CPHXL: variants seen among roughly 807,000 people sequenced by gnomAD.
CPHXL encodes cytoplasmic polyadenylated homeobox-like protein.
intron 2 of CPHXL, among the ~76,000 whole-genome samples, chr16:75,716,466 T>C (rs1810140647): frequency 6.6e-6 from 1 of 152,134 alleles, no homozygotes; most frequent in African/African-American, 2.4e-5. Context: ...AACACTTAGG[T>C]TTACCAGTTG....
intron 1 of CPHXL, among the ~76,000 whole-genome samples, chr16:75,718,683 A>G (rs749664202): frequency 2.6e-5 from 4 of 152,198 alleles, no homozygotes; most frequent in Non-Finnish European, 5.9e-5. Flanking sequence ...GTTTTTGTAA[A>G]TAGAGTTTTA....
intron 1 of CPHXL, among the ~76,000 whole-genome samples, chr16:75,720,173 G>A (rs368596131): frequency 3.9e-5 from 6 of 152,270 alleles, no homozygotes; most frequent in African/African-American, 1.2e-4. Flanking sequence ...CAGAAAAACC[G>A]GAAACTCTAA....
intron 1 of CPHXL, among the ~76,000 whole-genome samples, chr16:75,722,062 C>G (rs559019250): frequency 7.9e-5 from 12 of 152,264 alleles, no homozygotes; most frequent in African/African-American, 2.9e-4. Flanking sequence ...CCAATGAGAA[C>G]AAAGACCCAA....
At chr16:75,725,301 T>G (rs1372044340) in intron 1 of CPHXL, among the ~76,000 whole-genome samples, 1 of 151,994 alleles carries the variant, frequency 6.6e-6, no homozygotes, top group Admixed American at 6.5e-5. Flanking sequence ...CTTTTTTTCT[T>G]TATTTTTGAG....
intron 1 of CPHXL, among the ~76,000 whole-genome samples, chr16:75,720,995 C>A (rs536227294): frequency 1.7e-3 from 263 of 152,228 alleles, no homozygotes; most frequent in Non-Finnish European, 3.3e-3. Flanking sequence ...TCATATCCAG[C>A]CAAACTAAGC....
chr16:75,719,076 A>C (rs1419382012), intron 1 of CPHXL, among the ~76,000 whole-genome samples: 1 of 151,924 alleles, frequency 6.6e-6, no homozygotes, highest in Non-Finnish European at 1.5e-5. Flanking sequence ...ATGTATAAAT[A>C]TTTGCTATTT....
intron 2 of CPHXL, among the ~76,000 whole-genome samples, chr16:75,715,921 C>T (rs1400990518): frequency 6.6e-6 from 1 of 152,110 alleles, no homozygotes; most frequent in East Asian, 1.9e-4. Context: ...TGGTCTCGAA[C>T]TCCTGACCTC....
At chr16:75,723,556 A>T (rs1959508745) in intron 1 of CPHXL, among the ~76,000 whole-genome samples, 1 of 152,162 alleles carries the variant, frequency 6.6e-6, no homozygotes, top group Non-Finnish European at 1.5e-5. Flanking sequence ...GATGTGAAGG[A>T]CCTCTTCAAG....
intron 1 of CPHXL, among the ~76,000 whole-genome samples, chr16:75,718,914 C>A (rs1452445333): frequency 6.6e-6 from 1 of 152,066 alleles, no homozygotes; most frequent in African/African-American, 2.4e-5. Flanking sequence ...CTGATCTATA[C>A]TGATTGGAAG....
In CPHXL at chr16:75,718,293, T is replaced by A; in HGVS notation, c.191A>T (p.Lys64Ile). ...TATCACATTTACCGGACAATCAAAT[T>A]TGATGGCCAGTGTTTTCCTAGTTGT... Reference protein sequence around the residue: ...DYTTRKTLAIKFDCPVNVIDN... With the variant: ...DYTTRKTLAIIFDCPVNVIDN... The change falls in exon 2 of 3, where the codon AAA (lysine) becomes ATA (isoleucine). Residue 64 changes from lysine (K) to isoleucine (I), a missense_variant. Transcript: ENST00000640559. 1 of 398,844 alleles carries A rather than the reference T, an allele frequency of 2.5e-6. No individual in the cohort carries two copies. The highest frequency in any genetic ancestry group is 3.6e-5 in the East Asian group (1 of 28,070). The allele number at this position is 398,844 out of a possible 1,614,324, so 24.7% of individuals were successfully genotyped here.
In CPHXL at chr16:75,724,527, C is replaced by A. The variant is rs1226593643; in HGVS notation, c.25+1891G>T. Among the ~76,000 whole-genome samples the A allele has an allele frequency of 3.3e-5, 5 of 152,312 alleles. No homozygotes were observed. In the East Asian group the frequency reaches 7.7e-4, roughly 24 times the overall value. On this transcript the variant is annotated intron_variant, in intron 1 of 2. Transcript: ENST00000640559. ...CAGCCAAAAGACAAATGAAAAAATG[C>A]TCATCATCACTGGCCATCAGAGAAA... is the stretch of plus-strand genomic sequence containing the variant.
chr16:75,718,394 T>C lies in CPHXL; in HGVS notation c.90A>G (p.Lys30=), dbSNP rs896562056. 2 of 398,656 alleles carry C rather than the reference T, an allele frequency of 5.0e-6. No homozygotes were observed. Among genetic ancestry groups the C allele is most frequent in the Admixed American group, 4.4e-5 (1 of 22,720 alleles). The allele number at this position is 398,656 out of a possible 1,614,324, so 24.7% of individuals were successfully genotyped here. A position where few individuals can be genotyped will look rare whatever the true frequency, so the allele number is the denominator to read the frequency against. Residue 30 remains lysine (K), a synonymous_variant, in exon 2 of 3, where the codon AAA becomes AAG. Coordinates refer to ENST00000640559, the MANE Select transcript of CPHXL (RefSeq NM_001355613.1). ...ERQTKNKRKT[K]HRHKFSEELL... ...ATTCTTCAGAAAATTTATGTCGGTG[T>C]TTTGTTTTTCTTTTATTCTTTGTTT... is the stretch of plus-strand genomic sequence containing the variant.
chr16:75,723,710 C>T (rs1234639429), intron 1 of CPHXL, among the ~76,000 whole-genome samples: 2 of 152,140 alleles, frequency 1.3e-5, no homozygotes, highest in Non-Finnish European at 2.9e-5. Flanking sequence ...CCATCCCCAT[C>T]AAGCTACCAA....
chr16:75,715,820 C>T (rs899238936), intron 2 of CPHXL, among the ~76,000 whole-genome samples: 2 of 152,158 alleles, frequency 1.3e-5, no homozygotes, highest in South Asian at 2.1e-4. Flanking sequence ...CCTCAGCCTC[C>T]CGAGTAGCTG....
At chr16:75,720,774 G>A (rs1959466183) in intron 1 of CPHXL, among the ~76,000 whole-genome samples, 1 of 152,082 alleles carries the variant, frequency 6.6e-6, no homozygotes, top group African/African-American at 2.4e-5. Flanking sequence ...TACTCCTCAA[G>A]AAGAGCAACT....
chr16:75,718,058 T>C (rs964295558), intron 2 of CPHXL, among the ~76,000 whole-genome samples: 2 of 68,654 alleles, frequency 2.9e-5, no homozygotes, highest in East Asian at 3.3e-3. Flanking sequence ...CCCCATTTTT[T>C]ACAAAACATA....
Position 75,717,378 on chromosome 16 carries a change from T to C in CPHXL, c.219+887A>G, listed in dbSNP as rs182710149. Among the ~76,000 whole-genome samples the C allele has an allele frequency of 9.5e-4, 144 of 152,342 alleles. 2 individuals carry two copies. The highest frequency in any genetic ancestry group is 9.3e-3 in the Admixed American group (142 of 15,300). ...CATATTGTTATGTGCATGTGTACAA[T>C]TTTCTCTCAAACTGGTTATGGATAC... On this transcript the variant is annotated intron_variant, in intron 2 of 2. Transcript: ENST00000640559.
intron 1 of CPHXL, among the ~76,000 whole-genome samples, chr16:75,723,909 C>G (rs1959515548): frequency 6.6e-6 from 1 of 152,186 alleles, no homozygotes; most frequent in Non-Finnish European, 1.5e-5. Flanking sequence ...CAGCATGGTA[C>G]TGGTACCAAA....
chr16:75,715,399 T>C (rs1959376146), intron 2 of CPHXL, among the ~76,000 whole-genome samples, 177 bp from the exon 3 acceptor site: 2 of 152,324 alleles, frequency 1.3e-5, no homozygotes, highest in South Asian at 4.1e-4. Context: ...GAGGTACATG[T>C]GATAACACAG....
Sources: gnomAD v4.1 joint callset for allele counts (sites outside exome capture counted in the v4.1 genomes callset) on GRCh38, gnomAD v4.1.1 for gene constraint, MANE v1.5 for transcripts, NCBI Gene and HGNC (gene_info 2026-07-23, HGNC 2026-07-21) for gene names.